PPP2R3A: variants seen among roughly 807,000 people sequenced by gnomAD.
The protein encoded by PPP2R3A is serine/threonine-protein phosphatase 2A regulatory subunit B'' subunit alpha.
PPP2R3A carries 80 observed loss-of-function variants against 106.9 expected under a neutral mutation model. That is an observed-to-expected ratio of 0.75 (90% CI 0.62 to 0.90). PPP2R3A has a LOEUF of 0.90. Ranked by LOEUF, PPP2R3A falls within the 40% of genes least tolerant of loss-of-function variation. PPP2R3A has a pLI of 0.00. For synonymous variants in PPP2R3A, 483 were observed against 468.3 expected (o/e 1.03, Z -0.41); for missense variants, 1,386 against 1,350.4 (o/e 1.03, Z -0.41).
Position 136,001,214 on chromosome 3 carries a change from C to T in PPP2R3A, c.-285C>T, listed in dbSNP as rs1933610519. Reference sequence around the variant, plus strand: ...TGTTGAAGAACTAAAAGAGGATATTCTTTCATCAAAATAATTCTGCAGTAT... The same window carrying T: ...TGTTGAAGAACTAAAAGAGGATATTTTTTCATCAAAATAATTCTGCAGTAT... On this transcript the variant is annotated 5_prime_UTR_variant, in exon 2 of 14. Transcript: ENST00000264977. The T allele has an allele frequency of 2.2e-6, 1 of 446,786 alleles. No individual in the cohort carries two copies. The highest frequency in any genetic ancestry group is 3.3e-5 in the East Asian group (1 of 30,114). 27.7% of individuals were successfully genotyped at this position (446,786 alleles called of 1,614,324 possible).
At chr3:136,078,514 T>C (rs1477732740) in intron 7 of PPP2R3A, 61 bp downstream of exon 7, 15 of 1,128,616 alleles carry the variant, frequency 1.3e-5, no homozygotes, top group African/African-American at 3.2e-5. Flanking sequence ...TTACTTTATT[T>C]AACAAATATT....
At chr3:136,016,113 T>C (rs1487581108) in intron 2 of PPP2R3A, among the ~76,000 whole-genome samples, 1 of 152,226 alleles carries the variant, frequency 6.6e-6, no homozygotes, top group African/African-American at 2.4e-5. Context: ...AATTTCCATG[T>C]ATTTGCATGG....
intron 13 of PPP2R3A, among the ~76,000 whole-genome samples, chr3:136,139,193 A>G (rs1001959885): frequency 5.9e-5 from 9 of 152,112 alleles, no homozygotes; most frequent in South Asian, 2.1e-4. Flanking sequence ...TTGTCAAACA[A>G]TTTATGTCCC....
chr3:136,113,458 T>C (rs1190426141), intron 13 of PPP2R3A, among the ~76,000 whole-genome samples: 1 of 152,138 alleles, frequency 6.6e-6, no homozygotes, highest in Admixed American at 6.6e-5. Context: ...CCCCTTCCTT[T>C]CACCATATAC....
At position 136,002,184 on chromosome 3, in the gene PPP2R3A, T is replaced by G; in HGVS notation, c.686T>G (p.Ile229Arg). ...KIDNFSSGTDIKMCLDILLKC... is the reference protein window; with the variant it reads ...KIDNFSSGTDRKMCLDILLKC... ...GATAATTTTTCTTCTGGGACAGACA[T>G]AAAGATGTGCTTGGACATCTTATTG... Residue 229 changes from isoleucine (I) to arginine (R), a missense_variant, in exon 2 of 14, where the codon ATA (isoleucine) becomes AGA (arginine). Physicochemically the swap from Ile to Arg is moderately conservative, Grantham distance 97. Coordinates refer to ENST00000264977, the MANE Select transcript of PPP2R3A (RefSeq NM_002718.5). The G allele has an allele frequency of 6.2e-7, 1 of 1,613,460 alleles. No homozygotes were observed. The highest frequency in any genetic ancestry group is 8.5e-7 in the Non-Finnish European group (1 of 1,179,694).
chr3:136,030,512 A>G (rs541735161), intron 3 of PPP2R3A, among the ~76,000 whole-genome samples: 7 of 152,016 alleles, frequency 4.6e-5, no homozygotes, highest in African/African-American at 1.4e-4. Context: ...CAGGCAGTAT[A>G]CACTGCACCC....
At chr3:136,048,301 A>G (rs1479036273) in intron 4 of PPP2R3A, among the ~76,000 whole-genome samples, 1 of 152,152 alleles carries the variant, frequency 6.6e-6, no homozygotes, top group Non-Finnish European at 1.5e-5. Context: ...GTGCAACCAC[A>G]AGTGCAGGAA....
Position 136,001,530 on chromosome 3 carries a change from C to T in PPP2R3A, c.32C>T (p.Thr11Ile). Residue 11 changes from threonine to isoleucine, a missense_variant, in exon 2 of 14, where the codon ACT becomes ATT. Coordinates refer to ENST00000264977, the MANE Select transcript of PPP2R3A (RefSeq NM_002718.5). ...GCAACTTACAGACTTGTGGTTAGTA[C>T]TGTGAACCACTACAGCAGCGTGGTG... is the stretch of plus-strand genomic sequence containing the variant. MAATYRLVVSTVNHYSSVVID... is the reference protein window; with the variant it reads MAATYRLVVSIVNHYSSVVID... 1 of 1,614,100 alleles carries T rather than the reference C, an allele frequency of 6.2e-7. No homozygotes were observed. The highest frequency in any genetic ancestry group is 8.5e-7 in the Non-Finnish European group (1 of 1,179,968).
chr3:135,973,019 A>G (rs985782917), intron 1 of PPP2R3A, among the ~76,000 whole-genome samples: 7 of 152,186 alleles, frequency 4.6e-5, no homozygotes, highest in Non-Finnish European at 1.0e-4. Flanking sequence ...ACCAAATCCA[A>G]GGTCCTGCCA....
chr3:136,135,194 G>A (rs568658024), intron 13 of PPP2R3A, among the ~76,000 whole-genome samples: 6 of 152,214 alleles, frequency 3.9e-5, no homozygotes, highest in South Asian at 2.1e-4. Flanking sequence ...AAATTCAACC[G>A]TTGTATATGA....
chr3:136,007,172 AAGG>A (rs1933876238), intron 2 of PPP2R3A, among the ~76,000 whole-genome samples: 1 of 152,224 alleles, frequency 6.6e-6, no homozygotes, highest in African/African-American at 2.4e-5. Context: ...AAGAATATGG[AAGG>A]AGATGTGTGA....
At chr3:135,983,092 T>A (rs1266351510) in intron 1 of PPP2R3A, among the ~76,000 whole-genome samples, 1 of 152,148 alleles carries the variant, frequency 6.6e-6, no homozygotes, top group East Asian at 1.9e-4. Context: ...GAAATAGGAT[T>A]CCAAAGCCAT....
intron 5 of PPP2R3A, among the ~76,000 whole-genome samples, chr3:136,055,923 G>C (rs1935845443): frequency 6.6e-6 from 1 of 152,222 alleles, no homozygotes; most frequent in African/African-American, 2.4e-5. Context: ...AGTGATTTCA[G>C]GGTGTGGGGA....
intron 6 of PPP2R3A, among the ~76,000 whole-genome samples, chr3:136,077,453 C>T (rs1037329131): frequency 6.6e-6 from 1 of 152,056 alleles, no homozygotes; most frequent in African/African-American, 2.4e-5. Context: ...ACCAAAGATA[C>T]AGGATTTCTG....
At chr3:136,142,937 C>A (rs1938936558) in intron 13 of PPP2R3A, among the ~76,000 whole-genome samples, 1 of 152,220 alleles carries the variant, frequency 6.6e-6, no homozygotes, top group South Asian at 2.1e-4. Flanking sequence ...TTCCCCAGAA[C>A]AGAGGCTCTG....
intron 2 of PPP2R3A, among the ~76,000 whole-genome samples, chr3:136,021,362 A>G (rs780968595): frequency 3.3e-5 from 5 of 152,138 alleles, no homozygotes; most frequent in Non-Finnish European, 5.9e-5. Context: ...TTTCAATCAT[A>G]GTACGTATCA....
At chr3:136,010,616 C>T (rs1408450148) in intron 2 of PPP2R3A, among the ~76,000 whole-genome samples, 12 of 151,994 alleles carry the variant, frequency 7.9e-5, no homozygotes, top group Middle Eastern at 3.4e-3. Flanking sequence ...TTAGTAGAGA[C>T]GGAGTTTCAC....
intron 13 of PPP2R3A, among the ~76,000 whole-genome samples, chr3:136,137,236 AG>A (rs1220965846): frequency 6.6e-6 from 1 of 152,216 alleles, no homozygotes; most frequent in East Asian, 1.9e-4. Flanking sequence ...ATCAGAAACA[AG>A]CTTTTCTGCC....
At chr3:136,091,240 G>T (rs1389668684) in intron 10 of PPP2R3A, among the ~76,000 whole-genome samples, 1 of 152,166 alleles carries the variant, frequency 6.6e-6, no homozygotes, top group African/African-American at 2.4e-5. Context: ...AGTACCAAGG[G>T]ATGGAGGGGT....
Sources: gnomAD v4.1 joint callset for allele counts (sites outside exome capture counted in the v4.1 genomes callset) on GRCh38, gnomAD v4.1.1 for gene constraint, MANE v1.5 for transcripts, NCBI Gene and HGNC (gene_info 2026-07-23, HGNC 2026-07-21) for gene names.